ADGRL3: variants seen among roughly 807,000 people sequenced by gnomAD.
ADGRL3 encodes adhesion G protein-coupled receptor L3.
Under a neutral mutation model 153.5 loss-of-function variants are expected in ADGRL3, and 62 were observed. The observed-to-expected ratio is 0.40, with a 90% CI of 0.33 to 0.50. The LOEUF (loss-of-function observed/expected upper bound fraction) is 0.50. Among genes scored for constraint, ADGRL3 ranks in the 20% least tolerant of loss-of-function variants. The pLI is 0.47. For synonymous variants in ADGRL3, 710 were observed against 672.5 expected, an observed-to-expected ratio of 1.06 and a Z score of -0.86; for missense variants, 1,641 against 1,859.4, an observed-to-expected ratio of 0.88 and a Z score of 2.16.
chr4:62,033,531 G>T (rs1271575643), intron 23 of ADGRL3, among the ~76,000 whole-genome samples: 1 of 151,688 alleles, frequency 6.6e-6, no homozygotes, highest in Non-Finnish European at 1.5e-5. Context: ...TATTCTAAAA[G>T]ACTTCAGAGA....
chr4:62,068,699 T>G (rs1037702594), intron 26 of ADGRL3, among the ~76,000 whole-genome samples: 1 of 152,132 alleles, frequency 6.6e-6, no homozygotes, highest in African/African-American at 2.4e-5. Flanking sequence ...AGCATTTACT[T>G]TTATTTTTTC....
intron 21 of ADGRL3, among the ~76,000 whole-genome samples, chr4:62,001,572 G>A (rs185682639): frequency 2.4e-3 from 370 of 152,248 alleles, no homozygotes; most frequent in Non-Finnish European, 4.0e-3. Context: ...ACAAGTGGTT[G>A]TAAAGAAATC....
intron 2 of ADGRL3, chr4:61,420,445 A>C (rs1401361706): frequency 3.6e-5 from 4 of 112,422 alleles, no homozygotes; most frequent in African/African-American, 7.0e-5. Context: ...CTCACTCCGT[A>C]GCCCAGGCTG....
chr4:61,454,682 A>G (rs772212621), intron 2 of ADGRL3, among the ~76,000 whole-genome samples: 1 of 152,150 alleles, frequency 6.6e-6, no homozygotes, highest in Non-Finnish European at 1.5e-5. Context: ...TAAATATTAC[A>G]TGATATATAT....
intron 1 of ADGRL3, among the ~76,000 whole-genome samples, chr4:61,225,814 G>A (rs955162321): frequency 6.6e-6 from 1 of 152,096 alleles, no homozygotes; most frequent in African/African-American, 2.4e-5. Flanking sequence ...TCTCCTTTCA[G>A]TGACTCAACT....
At position 61,782,192 on chromosome 4, in the gene ADGRL3, T is replaced by C. The variant is rs550298278; in HGVS notation, c.1400-31617T>C. 3.2e-3 allele frequency among the ~76,000 whole-genome samples: 491 copies of C among 152,264 alleles called. 3 individuals are homozygous for C. Among genetic ancestry groups the C allele is most frequent in the Non-Finnish European group, 5.2e-3 (352 of 67,996 alleles). ...TTGCATCCTAAATATGTGAGTTCCC[T>C]GTTATTTTAATGTGCACAGCTTATT... is the stretch of plus-strand genomic sequence containing the variant. On this transcript the variant is annotated intron_variant, in intron 8 of 26. Coordinates refer to ENST00000683033, the MANE Select transcript of ADGRL3 (RefSeq NM_001387552.1).
intron 2 of ADGRL3, among the ~76,000 whole-genome samples, chr4:61,395,277 T>C (rs985291579): frequency 3.7e-4 from 57 of 152,092 alleles, no homozygotes; most frequent in African/African-American, 1.3e-3. Context: ...CAGCAGTAAT[T>C]CCCTATGATA....
chr4:61,496,329 C>T (rs2152804992), intron 2 of ADGRL3, among the ~76,000 whole-genome samples: 1 of 152,194 alleles, frequency 6.6e-6, no homozygotes, highest in African/African-American at 2.4e-5. Context: ...GGTATAACCC[C>T]ATGGGGCTTA....
intron 11 of ADGRL3, among the ~76,000 whole-genome samples, chr4:61,899,547 A>G (rs1198161958): frequency 6.6e-6 from 1 of 152,176 alleles, no homozygotes; most frequent in African/African-American, 2.4e-5. Flanking sequence ...AAAAAAGTAT[A>G]TATTTGAAAT....
At chr4:61,768,336 CGAG>C (rs1267801905) in intron 8 of ADGRL3, among the ~76,000 whole-genome samples, 3 of 150,498 alleles carry the variant, frequency 2.0e-5, no homozygotes, top group Non-Finnish European at 4.4e-5. Flanking sequence ...CTTGGCCTGT[CGAG>C]GAGGGGAGAG....
intron 4 of ADGRL3, among the ~76,000 whole-genome samples, chr4:61,565,318 A>G (rs2098812047): frequency 6.6e-6 from 1 of 152,184 alleles, no homozygotes; most frequent in Non-Finnish European, 1.5e-5. Context: ...TTGAAAATGT[A>G]TATATTATTA....
At chr4:61,699,404 A>G (rs1160588521) in intron 6 of ADGRL3, among the ~76,000 whole-genome samples, 1 of 152,194 alleles carries the variant, frequency 6.6e-6, no homozygotes, top group Non-Finnish European at 1.5e-5. Flanking sequence ...TGGCTGCTGT[A>G]TGCCCAGCAC....
chr4:61,924,597 C>A (rs1227127196), intron 13 of ADGRL3, among the ~76,000 whole-genome samples: 1 of 152,106 alleles, frequency 6.6e-6, no homozygotes, highest in Non-Finnish European at 1.5e-5. Context: ...AGTGGTTGAG[C>A]CCCACCTCCC....
chr4:61,342,608 G>A (rs1024761273), intron 1 of ADGRL3, among the ~76,000 whole-genome samples: 2 of 152,000 alleles, frequency 1.3e-5, no homozygotes, highest in African/African-American at 4.8e-5. Flanking sequence ...GCTCTTTTGA[G>A]ACTCTTGCCA....
At chr4:62,041,922 C>G (rs189836500) in intron 24 of ADGRL3, among the ~76,000 whole-genome samples, 65 of 152,098 alleles carry the variant, frequency 4.3e-4, no homozygotes, top group African/African-American at 1.5e-3. Flanking sequence ...GACTGCATTC[C>G]AATGCTGGTT....
At chr4:61,641,032 T>C (rs1258302487) in intron 5 of ADGRL3, among the ~76,000 whole-genome samples, 1 of 152,192 alleles carries the variant, frequency 6.6e-6, no homozygotes, top group Admixed American at 6.5e-5. Flanking sequence ...CTAAGTAATA[T>C]TGAAATTGAA....
intron 1 of ADGRL3, among the ~76,000 whole-genome samples, chr4:61,357,002 A>G (rs1363440021): frequency 6.6e-6 from 1 of 151,928 alleles, no homozygotes; most frequent in African/African-American, 2.4e-5. Flanking sequence ...TCAGTAAAAT[A>G]TTGGTCAAAT....
At chr4:61,891,577 TG>T (rs1486736369) in intron 9 of ADGRL3, among the ~76,000 whole-genome samples, 1 of 152,178 alleles carries the variant, frequency 6.6e-6, no homozygotes, top group African/African-American at 2.4e-5. Flanking sequence ...TGAATGAACC[TG>T]GGGACCTCCT....
At chr4:61,366,025 T>C (rs2096389202) in intron 1 of ADGRL3, among the ~76,000 whole-genome samples, 1 of 152,216 alleles carries the variant, frequency 6.6e-6, no homozygotes, top group African/African-American at 2.4e-5. Flanking sequence ...ACAACTTACC[T>C]ATAATTTTGT....
Sources: gnomAD v4.1 joint callset for allele counts (sites outside exome capture counted in the v4.1 genomes callset) on GRCh38, gnomAD v4.1.1 for gene constraint, MANE v1.5 for transcripts, NCBI Gene and HGNC (gene_info 2026-07-23, HGNC 2026-07-21) for gene names.